Variants in KANSL1 observed in about 807,000 individuals in gnomAD.
KANSL1 encodes MLL1/MLL complex subunit KANSL1.
KANSL1 carries 22 observed loss-of-function variants against 103.6 expected under a neutral mutation model. The ratio of observed to expected loss-of-function variants is 0.21; its 90% CI spans 0.15 to 0.30. The LOEUF (loss-of-function observed/expected upper bound fraction) is 0.30. Among genes scored for constraint, KANSL1 ranks in the 10% least tolerant of loss-of-function variants. The pLI, the probability that KANSL1 is intolerant of heterozygous loss-of-function variation, is 1.00. For synonymous variants in KANSL1, 600 were observed against 527.6 expected (o/e 1.14, Z -1.88); for missense variants, 1,337 against 1,399.8 (o/e 0.96, Z 0.72).
rs1016332766 is a variant in KANSL1 at position 46,031,258 on chromosome 17, C to T, written c.*218G>A. Reference sequence around the variant, plus strand: ...CTCATCCTGAACTTCTGTTTGCCAACGGGAGGAAGTGCTCAGGTGTGTGAC... The same window carrying T: ...CTCATCCTGAACTTCTGTTTGCCAATGGGAGGAAGTGCTCAGGTGTGTGAC... On this transcript the variant is annotated 3_prime_UTR_variant, in exon 15 of 15. Coordinates refer to ENST00000432791, the MANE Select transcript of KANSL1 (RefSeq NM_015443.4). 8 of 597,372 alleles carry T rather than the reference C, an allele frequency of 1.3e-5. No homozygotes were observed. Among genetic ancestry groups the T allele is most frequent in the Admixed American group, 6.0e-5 (2 of 33,578 alleles). The allele number at this position is 597,372 out of a possible 1,614,324, so 37.0% of individuals were successfully genotyped here. A position where few individuals can be genotyped will look rare whatever the true frequency, so the allele number is the denominator to read the frequency against.
intron 1 of KANSL1, among the ~76,000 whole-genome samples, chr17:46,181,031 A>G (rs982634076): frequency 6.6e-6 from 1 of 152,192 alleles, no homozygotes; most frequent in Admixed American, 6.5e-5. Flanking sequence ...AGACCAATAA[A>G]AAAGCTACCA....
At chr17:46,149,004 C>CTTTTT (rs77731269) in intron 2 of KANSL1, among the ~76,000 whole-genome samples, 2 of 121,288 alleles carry the variant, frequency 1.6e-5, no homozygotes, top group African/African-American at 6.8e-5. Context: ...CTCTTTTTTT[C>CTTTTT]TTTTTTTTTT....
At chr17:46,151,012 A>G (rs1289700186) in intron 2 of KANSL1, among the ~76,000 whole-genome samples, 1 of 152,182 alleles carries the variant, frequency 6.6e-6, no homozygotes, top group African/African-American at 2.4e-5. Context: ...CATAACATAG[A>G]CAAGTTCAGT....
intron 7 of KANSL1, chr17:46,042,262 T>C (rs1374782986): frequency 6.6e-6 from 1 of 152,210 alleles, no homozygotes; most frequent in Non-Finnish European, 1.5e-5. Context: ...GCACAGAGGA[T>C]ATGCTCAATC....
intron 6 of KANSL1, among the ~76,000 whole-genome samples, chr17:46,058,013 T>C (rs2077993861): frequency 6.6e-6 from 1 of 152,220 alleles, no homozygotes; most frequent in Admixed American, 6.5e-5. Context: ...CATTCTAGAC[T>C]GCAGGGCAGG....
chr17:46,114,252 G>A (rs1480032894), intron 2 of KANSL1, among the ~76,000 whole-genome samples: 2 of 152,122 alleles, frequency 1.3e-5, no homozygotes, highest in African/African-American at 4.8e-5. Context: ...CCAGCTACTC[G>A]GGAGGCTGAG....
At chr17:46,130,187 CAAA>C (rs35017603) in intron 2 of KANSL1, among the ~76,000 whole-genome samples, 35 of 75,464 alleles carry the variant, frequency 4.6e-4, no homozygotes, top group South Asian at 4.2e-3. Context: ...ATCCTGTCTC[CAAA>C]AAAAAAAAAA....
At chr17:46,156,899 CAAA>C (rs200919070) in intron 2 of KANSL1, 7 of 110,818 alleles carry the variant, frequency 6.3e-5, no homozygotes, top group South Asian at 2.7e-4. Flanking sequence ...ACTCTATCTC[CAAA>C]AAAAAAAAAA....
chr17:46,196,438 C>G (rs1317513494), upstream of KANSL1: 5 of 456,266 alleles, frequency 1.1e-5, no homozygotes, highest in Non-Finnish European at 2.2e-5. Context: ...AAAGGTTCTT[C>G]AATCCTAAAA....
Position 46,171,087 on chromosome 17 carries a change from C to A in KANSL1, c.1057G>T (p.Ala353Ser), listed in dbSNP as rs1466777621. The A allele has an allele frequency of 6.2e-7, 1 of 1,614,216 alleles. No individual in the cohort carries two copies. The highest frequency in any genetic ancestry group is 2.2e-5 in the East Asian group (1 of 44,872). ...QLMLTRKAEA[A>S]LRKAASETTT... ...GTCTCACTGGCAGCTTTTCTCAAGG[C>A]AGCTTCAGCCTTTCGAGTCAGCATC... The change falls in exon 2 of 15, where the codon GCC (alanine) becomes TCC (serine). Residue 353 changes from alanine to serine, a missense_variant. Transcript: ENST00000432791.
At chr17:46,046,430 T>C (rs2077506472) in intron 7 of KANSL1, among the ~76,000 whole-genome samples, 1 of 142,654 alleles carries the variant, frequency 7.0e-6, no homozygotes, top group Admixed American at 7.6e-5. Context: ...AGCTACCCAC[T>C]GAAGTGGGAG....
In KANSL1 at chr17:46,050,680, G is replaced by T; in HGVS notation, c.1873C>A (p.Pro625Thr). Reference protein sequence around the residue: ...KKVHRNSTIRPGCDVNPSCAL... With the variant: ...KKVHRNSTIRTGCDVNPSCAL... Reference sequence around the variant, plus strand: ...CAGGAGGGATTCACATCACAGCCAGGGCGGATTGTGCTGTTCCGGTGAACC... The same window carrying T: ...CAGGAGGGATTCACATCACAGCCAGTGCGGATTGTGCTGTTCCGGTGAACC... Residue 625 changes from proline (P) to threonine (T), a missense_variant, in exon 7 of 15, where the codon CCT becomes ACT. By Grantham distance (38) the Pro-to-Thr change is conservative (BLOSUM62 -1). This residue lies in a region of KANSL1 where 780 missense variants were observed against 923.4 expected (regional missense o/e 0.84). Coordinates refer to ENST00000432791, the MANE Select transcript of KANSL1 (RefSeq NM_015443.4). The T allele has an allele frequency of 6.2e-7, 1 of 1,613,884 alleles. No individual in the cohort carries two copies. Among genetic ancestry groups the T allele is most frequent in the Non-Finnish European group, 8.5e-7 (1 of 1,179,890 alleles).
intron 10 of KANSL1, among the ~76,000 whole-genome samples, chr17:46,037,068 C>T (rs985008189): frequency 2.6e-5 from 4 of 152,038 alleles, no homozygotes; most frequent in African/African-American, 4.8e-5. Context: ...AATGAGAGAG[C>T]CTCAGGGGTT....
intron 1 of KANSL1, among the ~76,000 whole-genome samples, chr17:46,175,006 C>T (rs1183101890): frequency 6.6e-6 from 1 of 152,240 alleles, no homozygotes; most frequent in Admixed American, 6.5e-5. Context: ...ATAAGAAAAA[C>T]AATTTATTTG....
chr17:46,043,270 T>C (rs1472322226), intron 7 of KANSL1: 1 of 151,488 alleles, frequency 6.6e-6, no homozygotes, highest in Non-Finnish European at 1.5e-5. Flanking sequence ...CCTTTTATTT[T>C]CCCCCATCGT....
intron 2 of KANSL1, among the ~76,000 whole-genome samples, chr17:46,139,889 G>C (rs1463249886): frequency 1.9e-4 from 29 of 152,186 alleles, no homozygotes; most frequent in Non-Finnish European, 1.5e-5. Flanking sequence ...AAGGGAAAAG[G>C]CAAAAATTTT....
At chr17:46,167,255 T>C (rs1301965754) in intron 2 of KANSL1, among the ~76,000 whole-genome samples, 1 of 151,714 alleles carries the variant, frequency 6.6e-6, no homozygotes, top group Non-Finnish European at 1.5e-5. Flanking sequence ...GGTCCAGGAA[T>C]TAAACAAAAT....
chr17:46,160,457 G>A (rs895500451), intron 2 of KANSL1, among the ~76,000 whole-genome samples: 2 of 152,052 alleles, frequency 1.3e-5, no homozygotes, highest in South Asian at 2.1e-4. Context: ...ATGCCACCAC[G>A]CCTGGCTACT....
At chr17:46,088,335 T>G (rs1397391502) in intron 3 of KANSL1, 2 of 152,376 alleles carry the variant, frequency 1.3e-5, no homozygotes, top group African/African-American at 4.8e-5. Context: ...GTGACCCCAC[T>G]GCAGACCAGT....
Sources: allele counts gnomAD v4.1 joint callset (sites outside exome capture counted in the v4.1 genomes callset), GRCh38; gene constraint gnomAD v4.1.1; regional missense constraint gnomAD v4.1.1; transcripts MANE v1.5; gene names NCBI Gene and HGNC (gene_info 2026-07-23, HGNC 2026-07-21).